ITGAV: variants seen among roughly 807,000 people sequenced by gnomAD.
The protein encoded by ITGAV is integrin subunit alpha V.
ITGAV carries 76 observed loss-of-function variants against 143.8 expected under a neutral mutation model. That is an observed-to-expected ratio of 0.53 (90% CI 0.44 to 0.64). The LOEUF (loss-of-function observed/expected upper bound fraction) is 0.64. ITGAV is among the 30% of genes least tolerant of loss of function. The probability of loss-of-function intolerance (pLI) is 0.00; values close to 1 mark genes in which losing one functional copy is unlikely to be tolerated. For missense variants in ITGAV, 1,193 were observed against 1,274.7 expected (o/e 0.94, Z 0.98); for synonymous variants, 453 against 446.7 (o/e 1.01, Z -0.18).
rs749252737 is a variant in ITGAV at position 186,664,499 on chromosome 2, A to G, written c.1931A>G (p.Gln644Arg). ...TTTGTATTGTTAACTTGTAGTGATC[A>G]AAAGAAGATCTATATTGGGGATGAC... ...PKLEVSVDSDQKKIYIGDDNP... is the reference protein window; with the variant it reads ...PKLEVSVDSDRKKIYIGDDNP... Residue 644 changes from glutamine to arginine, a missense_variant, in exon 20 of 30, where the codon CAA becomes CGA. Physicochemically the swap from Gln to Arg is conservative, Grantham distance 43 (BLOSUM62 1). Transcript: ENST00000261023. 19 of 1,613,844 alleles carry G rather than the reference A, an allele frequency of 1.2e-5. No individual in the cohort carries two copies. Among genetic ancestry groups the G allele is most frequent in the Non-Finnish European group, 1.6e-5 (19 of 1,179,846 alleles).
intron 12 of ITGAV, among the ~76,000 whole-genome samples, chr2:186,644,426 A>G (rs1688193651): frequency 6.6e-6 from 1 of 151,962 alleles, no homozygotes; most frequent in South Asian, 2.1e-4. Context: ...CCTGGGTTCA[A>G]GCGATTCCCC....
chr2:186,652,658 A>G (rs1260132186), intron 15 of ITGAV, among the ~76,000 whole-genome samples: 1 of 152,214 alleles, frequency 6.6e-6, no homozygotes. Flanking sequence ...ATAAGATCTC[A>G]GTTCATTTAT....
At chr2:186,667,283 G>T (rs41265951) in intron 23 of ITGAV, 53 bp downstream of exon 23, 514,553 of 1,363,178 alleles carry the variant, frequency 0.38, 101,910 homozygotes, top group East Asian at 0.75. Flanking sequence ...CTTTTTAAAG[G>T]TAACTGTCAG....
At chr2:186,634,315 G>T (rs1446886438) in intron 6 of ITGAV, among the ~76,000 whole-genome samples, 1 of 152,162 alleles carries the variant, frequency 6.6e-6, no homozygotes, top group Non-Finnish European at 1.5e-5. Context: ...TGCCATTTAT[G>T]AGGTGAACTA....
At chr2:186,667,356 C>T in intron 23 of ITGAV, 126 bp downstream of exon 23, 2 of 663,368 alleles carry the variant, frequency 3.0e-6, no homozygotes, top group Non-Finnish European at 5.1e-6. Flanking sequence ...AGGGCATTAG[C>T]TTCTGTAGAA....
intron 24 of ITGAV, 89 bp downstream of exon 24, chr2:186,667,865 T>G: frequency 1.5e-6 from 1 of 654,542 alleles, no homozygotes; most frequent in Non-Finnish European, 2.5e-6. Context: ...AAATTCTATG[T>G]AATTTTTATG....
rs200002883 is a variant in ITGAV at position 186,641,631 on chromosome 2, G to A, written c.1159+43G>A. 1.1e-5 allele frequency: 17 copies of A among 1,544,020 alleles called. No individual in the cohort carries two copies. In the African/African-American group the frequency reaches 2.2e-4, roughly 20 times the overall value. ...CAGCTACAGGTCCCTGATTATCTGT[G>A]TCCACCTGGAAAAGTTCTGTAAGTC... On this transcript the variant is annotated intron_variant, in intron 12 of 29. Coordinates refer to ENST00000261023, the MANE Select transcript of ITGAV (RefSeq NM_002210.5).
intron 23 of ITGAV, 86 bp downstream of exon 23, chr2:186,667,316 A>G: frequency 1.0e-6 from 1 of 970,684 alleles, no homozygotes; most frequent in South Asian, 1.5e-5. Context: ...TCTGGACAAT[A>G]GACCCTGCAT....
At chr2:186,628,311 T>TTTGTTG (rs144865188) in intron 4 of ITGAV, among the ~76,000 whole-genome samples, 2 of 152,116 alleles carry the variant, frequency 1.3e-5, no homozygotes, top group Non-Finnish European at 2.9e-5. Context: ...CTTTTGAGTT[T>TTTGTTG]TTGTTGTTGT....
intron 5 of ITGAV, among the ~76,000 whole-genome samples, chr2:186,632,567 C>G (rs1168191080): frequency 6.6e-6 from 1 of 152,064 alleles, no homozygotes; most frequent in Non-Finnish European, 1.5e-5. Context: ...TAGGATTAGA[C>G]ACTTTTAGAT....
chr2:186,603,301 G>A (rs1025511429), intron 2 of ITGAV, among the ~76,000 whole-genome samples: 3 of 152,078 alleles, frequency 2.0e-5, no homozygotes, highest in Non-Finnish European at 1.5e-5. Flanking sequence ...GTTATTTCCT[G>A]CCAGTACTAA....
At chr2:186,602,462 G>T (rs913906411) in intron 2 of ITGAV, among the ~76,000 whole-genome samples, 4 of 152,160 alleles carry the variant, frequency 2.6e-5, no homozygotes, top group Non-Finnish European at 5.9e-5. Flanking sequence ...AGAATAGGGA[G>T]CTCATAGGCA....
chr2:186,673,562 A>AT lies in ITGAV; in HGVS notation c.2707-2036dup, dbSNP rs531664431. ...TGTCTTTCTGTTTATTTATTCTACC[A>AT]TTTTTTCAACAATATTTTGTCACTT... On this transcript the variant is annotated intron_variant, in intron 26 of 29. Coordinates refer to ENST00000261023, the MANE Select transcript of ITGAV (RefSeq NM_002210.5). Among the ~76,000 whole-genome samples, 132 of 151,894 alleles carry AT rather than the reference A, an allele frequency of 8.7e-4. 1 individual carries two copies. Among genetic ancestry groups the AT allele is most frequent in the Admixed American group, 3.8e-3 (58 of 15,254 alleles).
chr2:186,625,128 C>G (rs570487711), intron 3 of ITGAV, among the ~76,000 whole-genome samples: 1 of 152,128 alleles, frequency 6.6e-6, no homozygotes, highest in African/African-American at 2.4e-5. Context: ...TCACAATTAG[C>G]GCTTTGGGAG....
intron 4 of ITGAV, among the ~76,000 whole-genome samples, chr2:186,630,454 C>A (rs1257227245): frequency 6.6e-6 from 1 of 151,430 alleles, no homozygotes; most frequent in East Asian, 1.9e-4. Flanking sequence ...TAAGTTGTAT[C>A]TATATATTTT....
chr2:186,664,991 A>G (rs949368762), intron 20 of ITGAV, 135 bp from the exon 21 acceptor site: 2 of 640,224 alleles, frequency 3.1e-6, no homozygotes, highest in Non-Finnish European at 5.3e-6. Flanking sequence ...ATTGTACCCA[A>G]TTCTGGCTTT....
chr2:186,600,126 A>G (rs1044223885), intron 1 of ITGAV: 7 of 510,834 alleles, frequency 1.4e-5, no homozygotes, highest in Middle Eastern at 6.3e-4. Context: ...AAAAGGCCCT[A>G]TTTGACTTAG....
At chr2:186,638,664 GTGTGTGTA>G (rs1688018734) in intron 10 of ITGAV, among the ~76,000 whole-genome samples, 199 bp downstream of exon 10, 3 of 147,494 alleles carry the variant, frequency 2.0e-5, no homozygotes, top group South Asian at 4.2e-4. Context: ...GTGTGTGTGT[GTGTGTGTA>G]GTATATAAAC....
chr2:186,644,165 A>G (rs1688183810), intron 12 of ITGAV, among the ~76,000 whole-genome samples: 1 of 151,958 alleles, frequency 6.6e-6, no homozygotes, highest in Admixed American at 6.6e-5. Flanking sequence ...ACTGGTCTCA[A>G]ACTCCTGGGC....
Sources: allele counts gnomAD v4.1 joint callset (sites outside exome capture counted in the v4.1 genomes callset), GRCh38; gene constraint gnomAD v4.1.1; transcripts MANE v1.5; gene names NCBI Gene and HGNC (gene_info 2026-07-23, HGNC 2026-07-21).